NEBL: variants seen among roughly 807,000 people sequenced by gnomAD.
NEBL encodes LIM and SH3 protein 2.
NEBL carries 122 observed loss-of-function variants against 140.2 expected under a neutral mutation model. The ratio of observed to expected loss-of-function variants is 0.87; its 90% CI spans 0.75 to 1.01. The LOEUF is 1.01. NEBL is among the 50% of genes least tolerant of loss of function. The pLI is 0.00. For missense variants in NEBL, 1,365 were observed against 1,231.3 expected (o/e 1.11, Z -1.62); for synonymous variants, 436 against 398.9 (o/e 1.09, Z -1.11).
chr10:21,155,387 A>AT (rs917489451), intron 2 of NEBL, among the ~76,000 whole-genome samples: 1 of 151,958 alleles, frequency 6.6e-6, no homozygotes, highest in Non-Finnish European at 1.5e-5. Flanking sequence ...CATTCTAACT[A>AT]TTTTTTTGGT....
intron 2 of NEBL, among the ~76,000 whole-genome samples, chr10:21,091,555 A>G (rs1836912909): frequency 6.6e-6 from 1 of 152,162 alleles, no homozygotes; most frequent in Non-Finnish European, 1.5e-5. Context: ...AATTCTCCCA[A>G]ATTCAGTCGT....
intron 2 of NEBL, among the ~76,000 whole-genome samples, chr10:21,163,944 G>A (rs952869567): frequency 1.9e-4 from 29 of 152,230 alleles, no homozygotes; most frequent in African/African-American, 6.5e-4. Flanking sequence ...GGGATTTCCA[G>A]TGATGGAAGA....
intron 19 of NEBL, among the ~76,000 whole-genome samples, chr10:20,820,757 A>G (rs576835731): frequency 4.6e-5 from 7 of 152,138 alleles, no homozygotes; most frequent in African/African-American, 1.7e-4. Flanking sequence ...CCCAGGAGGT[A>G]GAGGTTGCAG....
At chr10:21,038,869 A>G (rs746893011) in intron 2 of NEBL, among the ~76,000 whole-genome samples, 1 of 152,164 alleles carries the variant, frequency 6.6e-6, no homozygotes, top group Non-Finnish European at 1.5e-5. Flanking sequence ...CCTCACCAGC[A>G]TCTGTTGTTT....
intron 7 of NEBL, among the ~76,000 whole-genome samples, chr10:20,867,303 G>C (rs191534601): frequency 6.6e-6 from 1 of 152,000 alleles, no homozygotes; most frequent in African/African-American, 2.4e-5. Flanking sequence ...AGAATAGTAC[G>C]TCTTTTCATT....
Position 20,889,757 on chromosome 10 carries a change from ATTC to A in NEBL, c.258+85_258+87del, listed in dbSNP as rs1322951136. 4.8e-5 allele frequency: 40 copies of A among 828,540 alleles called. No individual in the cohort carries two copies. In the Admixed American group the frequency reaches 7.3e-4, roughly 15 times the overall value. 51.3% of individuals were successfully genotyped at this position (828,540 alleles called of 1,614,324 possible). A position where few individuals can be genotyped will look rare whatever the true frequency, so the allele number is the denominator to read the frequency against. Reference sequence around the variant, plus strand: ...ATTCAGTAGTGCTTTTGAAAATATTATTCTTCATCTCTTTAATGCACAGACTTT... The same window carrying A: ...ATTCAGTAGTGCTTTTGAAAATATTATTCATCTCTTTAATGCACAGACTTT... On this transcript the variant is annotated intron_variant, in intron 3 of 27. Coordinates refer to ENST00000377122, the MANE Select transcript of NEBL (RefSeq NM_006393.3).
rs373621973 is a variant in NEBL, at chr10:20,783,368, A to G, written c.*2379T>C. On this transcript the variant is annotated 3_prime_UTR_variant, in exon 28 of 28. Transcript: ENST00000377122. ...ATTGTAAAACAACTACCCTTTAGTT[A>G]AATTCTGATCAGATCTTAATTCCTA... 4 of 152,334 alleles carry G rather than the reference A, an allele frequency of 2.6e-5. No homozygotes were observed. In the East Asian group the frequency reaches 5.8e-4, roughly 22 times the overall value. 9.4% of individuals were successfully genotyped at this position (152,334 alleles called of 1,614,324 possible). A position where few individuals can be genotyped will look rare whatever the true frequency, so the allele number is the denominator to read the frequency against.
chr10:20,992,713 A>G lies in NEBL; in HGVS notation c.249+27404T>C, dbSNP rs1021728741. Among the ~76,000 whole-genome samples the G allele has an allele frequency of 2.9e-5, 4 of 139,698 alleles. No individual in the cohort carries two copies. The Admixed American group carries it at 3.0e-4, about 10-fold the overall frequency. 91.6% of individuals were successfully genotyped at this position (139,698 alleles called of 152,430 possible). A position where few individuals can be genotyped will look rare whatever the true frequency, so the allele number is the denominator to read the frequency against. Reference sequence around the variant, plus strand: ...TACTTACTATCCTCTACTAAAATTTACTTTCTCCGTAGGCCAACTACAATG... The same window carrying G: ...TACTTACTATCCTCTACTAAAATTTGCTTTCTCCGTAGGCCAACTACAATG... On this transcript the variant is annotated intron_variant, in intron 3 of 6. Transcript: ENST00000417816.
intron 3 of NEBL, among the ~76,000 whole-genome samples, chr10:20,965,572 G>A (rs143351351): frequency 3.9e-5 from 6 of 152,308 alleles, no homozygotes; most frequent in African/African-American, 1.4e-4. Context: ...GCAGAGAGTG[G>A]TCACACGGGG....
At chr10:20,807,189 G>T (rs751297533) in intron 26 of NEBL, among the ~76,000 whole-genome samples, 5 of 152,086 alleles carry the variant, frequency 3.3e-5, no homozygotes, top group Non-Finnish European at 7.4e-5. Context: ...AGCTAGGTGT[G>T]GTGGCACACA....
At chr10:21,264,062 G>T (rs1465436687) in intron 1 of NEBL, among the ~76,000 whole-genome samples, 1 of 152,194 alleles carries the variant, frequency 6.6e-6, no homozygotes. Flanking sequence ...AGCTAGTCAT[G>T]CTAGGCCTCC....
At chr10:21,259,801 T>C (rs1316391895) in intron 1 of NEBL, among the ~76,000 whole-genome samples, 1 of 152,148 alleles carries the variant, frequency 6.6e-6, no homozygotes, top group East Asian at 1.9e-4. Flanking sequence ...CTGCCTTTCC[T>C]TGGCCACAAT....
At chr10:20,933,704 A>G (rs955281198) in intron 4 of NEBL, among the ~76,000 whole-genome samples, 3 of 152,238 alleles carry the variant, frequency 2.0e-5, no homozygotes, top group African/African-American at 7.2e-5. Context: ...ATTGCATTGC[A>G]TCCAGATTGG....
At chr10:20,861,910 T>C (rs950267038) in intron 7 of NEBL, among the ~76,000 whole-genome samples, 1 of 152,206 alleles carries the variant, frequency 6.6e-6, no homozygotes, top group African/African-American at 2.4e-5. Context: ...ATGCACCATA[T>C]ACCCCTAACC....
chr10:21,022,139 A>G (rs1589144441), intron 2 of NEBL, among the ~76,000 whole-genome samples: 1 of 151,962 alleles, frequency 6.6e-6, no homozygotes, highest in Admixed American at 6.6e-5. Context: ...CGCTGAGGAG[A>G]CACCTTTAGC....
intron 1 of NEBL, among the ~76,000 whole-genome samples, chr10:21,257,546 A>G (rs1842674024): frequency 6.6e-6 from 1 of 152,236 alleles, no homozygotes; most frequent in African/African-American, 2.4e-5. Flanking sequence ...AAAAAGTTTA[A>G]GTCCTGGTCT....
intron 2 of NEBL, among the ~76,000 whole-genome samples, chr10:20,893,612 T>G (rs979286382): frequency 6.6e-6 from 1 of 152,148 alleles, no homozygotes. Flanking sequence ...TTCTAAGCAG[T>G]GCAGGCTTCC....
At chr10:21,253,333 A>G (rs1842610925) in intron 1 of NEBL, among the ~76,000 whole-genome samples, 1 of 152,186 alleles carries the variant, frequency 6.6e-6, no homozygotes, top group Non-Finnish European at 1.5e-5. Context: ...GAGAAGAAAC[A>G]GGGGCCTGAG....
At chr10:21,067,249 G>A (rs534811551) in intron 2 of NEBL, among the ~76,000 whole-genome samples, 9 of 152,120 alleles carry the variant, frequency 5.9e-5, no homozygotes, top group Non-Finnish European at 1.2e-4. Flanking sequence ...GAGATTACAG[G>A]TGTGAGCCAC....
Sources: gnomAD v4.1 joint callset for allele counts (sites outside exome capture counted in the v4.1 genomes callset) on GRCh38, gnomAD v4.1.1 for gene constraint, MANE v1.5 for transcripts, NCBI Gene and HGNC (gene_info 2026-07-23, HGNC 2026-07-21) for gene names.